The following VAMP7 variants were observed in gnomAD, a reference collection of about 807,000 sequenced individuals.
The protein encoded by VAMP7 is vesicle-associated membrane protein 7.
VAMP7 carries 14 observed loss-of-function variants against 29.6 expected under a neutral mutation model. That is an observed-to-expected ratio of 0.47 (90% CI 0.31 to 0.74). VAMP7 has a LOEUF of 0.74. Ranked by LOEUF, VAMP7 falls within the 30% of genes least tolerant of loss-of-function variation. The probability of loss-of-function intolerance (pLI) is 0.05; values close to 1 mark genes in which losing one functional copy is unlikely to be tolerated. For synonymous variants in VAMP7, 95 were observed against 88.1 expected (o/e 1.08, Z -0.44); for missense variants, 223 against 262.4 (o/e 0.85, Z 1.04).
intron 5 of VAMP7, among the ~76,000 whole-genome samples, chrX:155,907,042 T>G (rs2066156728): frequency 6.6e-6 from 1 of 152,072 alleles, no homozygotes; most frequent in Admixed American, 6.5e-5. Flanking sequence ...GTCAATTTTT[T>G]TTACATCTAT....
Position 155,898,798 on chromosome X carries a change from G to A in VAMP7, c.342+549G>A, listed in dbSNP as rs6642366. Reference sequence around the variant, plus strand: ...CCTACACTTTGCCCCAGGCAACCACGGATCTGTTTTCTATCACTATAAATT... The same window carrying A: ...CCTACACTTTGCCCCAGGCAACCACAGATCTGTTTTCTATCACTATAAATT... On this transcript the variant is annotated intron_variant, in intron 4 of 7. Coordinates refer to ENST00000286448, the MANE Select transcript of VAMP7 (RefSeq NM_005638.6). 5.3e-5 allele frequency among the ~76,000 whole-genome samples: 8 copies of A among 151,842 alleles called. 1 individual carries two copies. The highest frequency in any genetic ancestry group is 2.9e-5 in the Non-Finnish European group (2 of 67,902).
chrX:155,907,783 A>C (rs1415197591), intron 5 of VAMP7, among the ~76,000 whole-genome samples: 2 of 151,368 alleles, frequency 1.3e-5, no homozygotes, highest in African/African-American at 4.9e-5. Context: ...TCAATGAGCT[A>C]TTGGGTACAC....
At chrX:155,924,173 A>G (rs1165489659) in intron 6 of VAMP7, among the ~76,000 whole-genome samples, 3 of 151,870 alleles carry the variant, frequency 2.0e-5, no homozygotes, top group Non-Finnish European at 4.4e-5. Flanking sequence ...AACCATCTCT[A>G]TTTGTTTTTT....
At chrX:155,891,875 TA>T (rs1481035470) in intron 2 of VAMP7, among the ~76,000 whole-genome samples, 1 of 152,206 alleles carries the variant, frequency 6.6e-6, no homozygotes, top group South Asian at 2.1e-4. Flanking sequence ...AGGGGTTAAA[TA>T]ATCTTAGCTT....
chrX:155,901,264 A>G (rs2066057890), intron 5 of VAMP7, among the ~76,000 whole-genome samples: 1 of 152,054 alleles, frequency 6.6e-6, no homozygotes, highest in African/African-American at 2.4e-5. Flanking sequence ...CGTCTTGGCT[A>G]TTTAAAGTGA....
intron 5 of VAMP7, among the ~76,000 whole-genome samples, chrX:155,913,264 G>A (rs946244130): frequency 5.3e-5 from 8 of 151,822 alleles, no homozygotes; most frequent in African/African-American, 1.7e-4. Context: ...TGTAGATTCC[G>A]GATATTAGCC....
chrX:155,925,159 T>A (rs1337608856), intron 6 of VAMP7, among the ~76,000 whole-genome samples: 1 of 152,204 alleles, frequency 6.6e-6, no homozygotes, highest in African/African-American at 2.4e-5. Context: ...AAGTAATTTG[T>A]GAGGGTTGTA....
In VAMP7 at chrX:155,936,445, A is replaced by G. The variant is rs184378413; in HGVS notation, c.502-3256A>G. On this transcript the variant is annotated intron_variant, in intron 6 of 7. Transcript: ENST00000286448. ...CGCTGCCACCTTGCAGTTCAATCTC[A>G]GACTGCTGTGCTAGCAATGAGTGAG... Among the ~76,000 whole-genome samples the G allele has an allele frequency of 3.6e-4, 55 of 152,296 alleles. No homozygotes were observed. The East Asian group carries it at 0.01, about 28-fold the overall frequency.
chrX:155,881,620 G>A (rs1417799447), intron 1 of VAMP7, among the ~76,000 whole-genome samples, 172 bp downstream of exon 1: 1 of 152,078 alleles, frequency 6.6e-6, no homozygotes, highest in Non-Finnish European at 1.5e-5. Context: ...GGCGAGGTGC[G>A]TCTTATGCCA....
chrX:155,898,367 C>A, intron 4 of VAMP7, 118 bp downstream of exon 4: 7 of 1,329,780 alleles, frequency 5.3e-6, no homozygotes, highest in East Asian at 2.4e-5. Flanking sequence ...TACTGTAAGC[C>A]AACATAATAA....
chrX:155,923,105 C>A (rs1174715585), intron 6 of VAMP7, among the ~76,000 whole-genome samples: 1 of 151,756 alleles, frequency 6.6e-6, no homozygotes, highest in African/African-American at 2.4e-5. Flanking sequence ...TTCTTCTTGG[C>A]CTTTATGCTA....
rs1318814532 is a variant in VAMP7 at position 155,898,222 on chromosome X, G to A, written c.315G>A (p.Glu105=). 2 of 1,613,394 alleles carry A rather than the reference G, an allele frequency of 1.2e-6. No homozygotes were observed. Among genetic ancestry groups the A allele is most frequent in the Non-Finnish European group, 1.7e-6 (2 of 1,179,612 alleles). The part of the protein sequence containing the change: ...QTALPYAMNS[E]FSSVLAAQLK... ...CACTTCCATATGCCATGAATAGCGAGTTCTCAAGTGTCTTAGCTGCACAGC... is the reference window on the plus strand; with the variant it reads ...CACTTCCATATGCCATGAATAGCGAATTCTCAAGTGTCTTAGCTGCACAGC... The change falls in exon 4 of 8, where the codon GAG becomes GAA. Residue 105 remains glutamate, a synonymous_variant. Coordinates refer to ENST00000286448, the MANE Select transcript of VAMP7 (RefSeq NM_005638.6).
Position 155,933,941 on chromosome X carries a change from A to C in VAMP7, c.502-5760A>C, listed in dbSNP as rs188906452. 1.2e-3 allele frequency among the ~76,000 whole-genome samples: 186 copies of C among 152,160 alleles called. 2 individuals are homozygous for C. Among genetic ancestry groups the C allele is most frequent in the African/African-American group, 4.2e-3 (176 of 41,536 alleles). On this transcript the variant is annotated intron_variant, in intron 6 of 7. Transcript: ENST00000286448. ...TTTCAAAGAACATGTTTATTTCTGC[A>C]TTCATTTCGTTATGTACCCAGTAGT...
At chrX:155,933,066 G>A (rs1340256522) in intron 6 of VAMP7, among the ~76,000 whole-genome samples, 2 of 152,112 alleles carry the variant, frequency 1.3e-5, no homozygotes, top group African/African-American at 2.4e-5. Flanking sequence ...CTTGATCATG[G>A]TAGATAAGCT....
At chrX:155,912,526 A>G (rs4560959) in intron 5 of VAMP7, among the ~76,000 whole-genome samples, 90,895 of 150,302 alleles carry the variant, frequency 0.6, 27,626 homozygotes, top group East Asian at 0.67. Flanking sequence ...CCTACCCCCA[A>G]CAGGCCCCAG....
chrX:155,917,225 C>T (rs1026346066), intron 5 of VAMP7, among the ~76,000 whole-genome samples: 15 of 152,120 alleles, frequency 9.9e-5, no homozygotes, highest in African/African-American at 3.6e-4. Context: ...TTATGTTCTT[C>T]TCTAAACTGG....
intron 3 of VAMP7, among the ~76,000 whole-genome samples, chrX:155,897,002 TA>T (rs2065996858): frequency 6.6e-6 from 1 of 151,902 alleles, no homozygotes; most frequent in Non-Finnish European, 1.5e-5. Context: ...GATGTAGTAA[TA>T]TATATGCTTC....
intron 5 of VAMP7, among the ~76,000 whole-genome samples, chrX:155,908,633 G>A (rs1216481574): frequency 6.6e-6 from 1 of 151,920 alleles, no homozygotes; most frequent in Non-Finnish European, 1.5e-5. Context: ...TTGATACCAG[G>A]GTAATGCTGG....
At chrX:155,897,257 A>G (rs898148507) in intron 3 of VAMP7, among the ~76,000 whole-genome samples, 9 of 152,138 alleles carry the variant, frequency 5.9e-5, no homozygotes, top group African/African-American at 1.9e-4. Context: ...TTTTCTATCC[A>G]AGTTCAAAGG....
Sources: allele counts gnomAD v4.1 joint callset (sites outside exome capture counted in the v4.1 genomes callset), GRCh38; gene constraint gnomAD v4.1.1; transcripts MANE v1.5; gene names NCBI Gene and HGNC (gene_info 2026-07-23, HGNC 2026-07-21).